The following UNC5C variants were observed in gnomAD, a reference collection of about 807,000 sequenced individuals.
The protein encoded by UNC5C is netrin receptor UNC5C.
UNC5C carries 47 observed loss-of-function variants against 99.8 expected under a neutral mutation model. That is an observed-to-expected ratio of 0.47 (90% CI 0.37 to 0.60). The LOEUF is 0.60. UNC5C is among the 20% of genes least tolerant of loss of function. The pLI is 0.00. For synonymous variants in UNC5C, 487 were observed against 452.2 expected (o/e 1.08, Z -0.98); for missense variants, 1,062 against 1,165.9 (o/e 0.91, Z 1.30).
chr4:95,525,121 T>G (rs550509064), intron 1 of UNC5C, among the ~76,000 whole-genome samples: 1 of 152,142 alleles, frequency 6.6e-6, no homozygotes, highest in East Asian at 1.9e-4. Context: ...ATTTGGAAGC[T>G]CAAATGCCAA....
intron 1 of UNC5C, among the ~76,000 whole-genome samples, chr4:95,487,007 C>T (rs1721344663): frequency 6.6e-6 from 1 of 151,666 alleles, no homozygotes; most frequent in South Asian, 2.1e-4. Flanking sequence ...CTTTCTCGCT[C>T]ACTCTTTGGC....
intron 1 of UNC5C, among the ~76,000 whole-genome samples, chr4:95,442,003 G>T (rs1746964320): frequency 6.6e-6 from 1 of 152,160 alleles, no homozygotes; most frequent in Non-Finnish European, 1.5e-5. Flanking sequence ...AAGAATTTAT[G>T]ACTTCCATTC....
chr4:95,267,046 G>A (rs955305014), intron 4 of UNC5C, among the ~76,000 whole-genome samples: 14 of 152,088 alleles, frequency 9.2e-5, no homozygotes, highest in Admixed American at 6.6e-4. Context: ...ATTTAGATAA[G>A]ACAGTTATTT....
chr4:95,463,477 A>G (rs1456689325), intron 1 of UNC5C, among the ~76,000 whole-genome samples: 1 of 151,822 alleles, frequency 6.6e-6, no homozygotes, highest in African/African-American at 2.4e-5. Context: ...CAGAAAATGA[A>G]CCCATCCTAA....
chr4:95,481,366 A>T (rs1253809986), intron 1 of UNC5C, among the ~76,000 whole-genome samples: 1 of 151,996 alleles, frequency 6.6e-6, no homozygotes, highest in African/African-American at 2.4e-5. Flanking sequence ...AAGAGGATAC[A>T]AACAAATGGA....
At chr4:95,198,021 T>C (rs1213163213) in intron 12 of UNC5C, among the ~76,000 whole-genome samples, 1 of 139,592 alleles carries the variant, frequency 7.2e-6, no homozygotes, top group Non-Finnish European at 1.5e-5. Context: ...GGGGTCTCGC[T>C]CTGCCACCCA....
intron 1 of UNC5C, among the ~76,000 whole-genome samples, chr4:95,358,225 T>C (rs1308011509): frequency 6.6e-6 from 1 of 152,210 alleles, no homozygotes; most frequent in African/African-American, 2.4e-5. Context: ...TTTCTACCTT[T>C]AGCTTAAAGT....
At chr4:95,540,017 A>C (rs886509099) in intron 1 of UNC5C, among the ~76,000 whole-genome samples, 1 of 152,054 alleles carries the variant, frequency 6.6e-6, no homozygotes, top group Admixed American at 6.6e-5. Context: ...ATGTGTGTAT[A>C]AATATAAACA....
chr4:95,202,046 A>C (rs1737694773), intron 12 of UNC5C, among the ~76,000 whole-genome samples: 1 of 151,964 alleles, frequency 6.6e-6, no homozygotes, highest in African/African-American at 2.4e-5. Context: ...TCCTTTTCAG[A>C]TTTCCTCAAA....
At chr4:95,447,403 T>C (rs1397046272) in intron 1 of UNC5C, among the ~76,000 whole-genome samples, 2 of 152,216 alleles carry the variant, frequency 1.3e-5, no homozygotes, top group African/African-American at 4.8e-5. Context: ...ACAAGGAAAG[T>C]TATATTACAA....
chr4:95,442,385 T>C (rs2149463951), intron 1 of UNC5C, among the ~76,000 whole-genome samples: 1 of 150,760 alleles, frequency 6.6e-6, no homozygotes, highest in Non-Finnish European at 1.5e-5. Flanking sequence ...TTTTTTTTTT[T>C]TTTGTAGAGA....
chr4:95,315,350 T>C (rs1268217208), intron 2 of UNC5C, among the ~76,000 whole-genome samples: 6 of 152,206 alleles, frequency 3.9e-5, no homozygotes, highest in Non-Finnish European at 8.8e-5. Flanking sequence ...TCTTCCTGCC[T>C]TAGTCAGGAG....
chr4:95,541,021 T>C (rs1722904912), intron 1 of UNC5C, among the ~76,000 whole-genome samples: 1 of 152,144 alleles, frequency 6.6e-6, no homozygotes, highest in Admixed American at 6.6e-5. Flanking sequence ...CAAAAAGATA[T>C]TAGAATTATT....
At chr4:95,176,905 G>A (rs553606351) in intron 14 of UNC5C, among the ~76,000 whole-genome samples, 104 of 152,270 alleles carry the variant, frequency 6.8e-4, no homozygotes, top group African/African-American at 2.3e-3. Context: ...CTCTGTGGGC[G>A]TAGGACCCTC....
intron 1 of UNC5C, among the ~76,000 whole-genome samples, chr4:95,521,728 A>G (rs760212038): frequency 6.6e-6 from 1 of 152,258 alleles, no homozygotes; most frequent in Non-Finnish European, 1.5e-5. Flanking sequence ...GTAGATATTC[A>G]TAAACCTTCC....
chr4:95,379,609 A>C (rs1376290198), intron 1 of UNC5C, among the ~76,000 whole-genome samples: 1 of 152,068 alleles, frequency 6.6e-6, no homozygotes, highest in Non-Finnish European at 1.5e-5. Context: ...TCCCCAGTGG[A>C]CTCTGGAGAG....
intron 1 of UNC5C, among the ~76,000 whole-genome samples, chr4:95,516,600 A>G (rs1722227321): frequency 6.6e-6 from 1 of 152,176 alleles, no homozygotes; most frequent in Admixed American, 6.5e-5. Context: ...CCCTCTTCAT[A>G]GTGGACGCTG....
intron 1 of UNC5C, among the ~76,000 whole-genome samples, chr4:95,363,827 C>T (rs1183106825): frequency 6.6e-6 from 1 of 152,152 alleles, no homozygotes; most frequent in Non-Finnish European, 1.5e-5. Flanking sequence ...TAGACCTAAT[C>T]ACCTCTTTCC....
At chr4:95,282,216 AG>A in intron 3 of UNC5C, among the ~76,000 whole-genome samples, 1 of 152,336 alleles carries the variant, frequency 6.6e-6, no homozygotes, top group South Asian at 2.1e-4. Flanking sequence ...AGAAAACCCA[AG>A]GAAGTTAGCA....
Sources: allele counts gnomAD v4.1 joint callset (sites outside exome capture counted in the v4.1 genomes callset), GRCh38; gene constraint gnomAD v4.1.1; transcripts MANE v1.5; gene names NCBI Gene and HGNC (gene_info 2026-07-23, HGNC 2026-07-21).